Variants in DSCAM observed in about 807,000 individuals in gnomAD.
DSCAM encodes the protein DS cell adhesion molecule.
A neutral mutation model predicts 217.7 loss-of-function variants in DSCAM; 47 were observed. The observed-to-expected ratio is 0.22, with a 90% CI of 0.17 to 0.28. The LOEUF is 0.28. Ranked by LOEUF, DSCAM falls within the 10% of genes least tolerant of loss-of-function variation. The probability of loss-of-function intolerance (pLI) is 1.00; values close to 1 mark genes in which losing one functional copy is unlikely to be tolerated. For missense variants in DSCAM, 2,080 were observed against 2,618.3 expected, an observed-to-expected ratio of 0.79 and a Z score of 4.49; for synonymous variants, 1,056 against 1,015.3, an observed-to-expected ratio of 1.04 and a Z score of -0.76.
At chr21:40,787,668 A>G (rs549139447) in intron 1 of DSCAM, among the ~76,000 whole-genome samples, 53 of 152,172 alleles carry the variant, frequency 3.5e-4, no homozygotes, top group Non-Finnish European at 5.6e-4. Flanking sequence ...CACTTTTACA[A>G]TCATGAAGTC....
At chr21:40,780,691 G>A (rs1432671934) in intron 1 of DSCAM, among the ~76,000 whole-genome samples, 6 of 151,890 alleles carry the variant, frequency 4.0e-5, no homozygotes, top group Non-Finnish European at 8.8e-5. Flanking sequence ...GAAGAGATGA[G>A]GATGCAGGAA....
intron 11 of DSCAM, among the ~76,000 whole-genome samples, chr21:40,225,316 T>C (rs1012062568): frequency 5.9e-5 from 9 of 152,194 alleles, no homozygotes; most frequent in South Asian, 4.1e-4. Context: ...CCTTGCCCTT[T>C]GGACCAAGCC....
chr21:40,552,518 C>G (rs1045299702), intron 3 of DSCAM, among the ~76,000 whole-genome samples: 2 of 152,168 alleles, frequency 1.3e-5, no homozygotes, highest in African/African-American at 4.8e-5. Flanking sequence ...TGGGAAACAT[C>G]TAGAATGTGC....
chr21:40,846,608 G>A lies in DSCAM; in HGVS notation c.43+11C>T. The A allele has an allele frequency of 1.5e-6, 2 of 1,293,992 alleles. No homozygotes were observed. Among genetic ancestry groups the A allele is most frequent in the South Asian group, 1.8e-5 (1 of 54,818 alleles). 80.2% of individuals were successfully genotyped at this position (1,293,992 alleles called of 1,614,324 possible). On this transcript the variant is annotated intron_variant, in intron 1 of 32. Coordinates refer to ENST00000400454, the MANE Select transcript of DSCAM (RefSeq NM_001389.5). ...AAGGAAACGAAATTCATCACAAACC[G>A]AAAGGCTCACCATTCGCGAAGCTCT...
At chr21:40,267,896 C>CAAAA (rs112636145) in intron 11 of DSCAM, among the ~76,000 whole-genome samples, 1 of 151,144 alleles carries the variant, frequency 6.6e-6, no homozygotes, top group African/African-American at 2.4e-5. Context: ...AACTCCACCT[C>CAAAA]AAAAAAAGAA....
chr21:40,692,305 C>T (rs936319536), intron 3 of DSCAM, among the ~76,000 whole-genome samples: 4 of 152,160 alleles, frequency 2.6e-5, no homozygotes, highest in African/African-American at 4.8e-5. Flanking sequence ...AGAAATTATT[C>T]ATATGCAAAT....
Position 40,016,846 on chromosome 21 carries a change from A to C in DSCAM, c.5687-3460T>G, listed in dbSNP as rs1276866607. ...GGAAAGGACTATTCAAGAGTATAAG[A>C]GAACTGGCCTGTAATCCCCGCCCAC... On this transcript the variant is annotated intron_variant, in intron 32 of 32. Transcript: ENST00000400454. This position sits in a 1 kb window ranked among gnomAD's most constrained non-coding sequence, Gnocchi z 4.3. Among the ~76,000 whole-genome samples the C allele has an allele frequency of 6.6e-6, 1 of 152,186 alleles. No homozygotes were observed. The highest frequency in any genetic ancestry group is 1.5e-5 in the Non-Finnish European group (1 of 68,038).
chr21:40,610,992 T>C lies in DSCAM; in HGVS notation c.508+81818A>G, dbSNP rs188251295. Reference sequence around the variant, plus strand: ...ATGAGACATAAATGTGAACTGCATATGTGGTTTCAGATTTTCAAAAAGTCA... The same window carrying C: ...ATGAGACATAAATGTGAACTGCATACGTGGTTTCAGATTTTCAAAAAGTCA... On this transcript the variant is annotated intron_variant, in intron 3 of 32. Coordinates refer to ENST00000400454, the MANE Select transcript of DSCAM (RefSeq NM_001389.5). Among the ~76,000 whole-genome samples, 512 of 152,186 alleles carry C rather than the reference T, an allele frequency of 3.4e-3. 2 individuals carry two copies. Among genetic ancestry groups the C allele is most frequent in the Non-Finnish European group, 5.4e-3 (365 of 68,020 alleles).
At chr21:40,707,191 T>C (rs1411746013) in intron 2 of DSCAM, among the ~76,000 whole-genome samples, 1 of 152,230 alleles carries the variant, frequency 6.6e-6, no homozygotes, top group African/African-American at 2.4e-5. Flanking sequence ...TCCCTATAAG[T>C]GGTGTTTTGC....
At chr21:40,535,188 G>T (rs1240283599) in intron 3 of DSCAM, among the ~76,000 whole-genome samples, 1 of 152,140 alleles carries the variant, frequency 6.6e-6, no homozygotes, top group Non-Finnish European at 1.5e-5. Context: ...GTGTAGGGGA[G>T]AATTAAATAA....
chr21:40,437,062 C>T (rs1210085053), intron 3 of DSCAM, among the ~76,000 whole-genome samples: 1 of 152,252 alleles, frequency 6.6e-6, no homozygotes, highest in Non-Finnish European at 1.5e-5. Flanking sequence ...TGGCTGAAAA[C>T]ACAGGAAGTA....
In DSCAM at chr21:40,691,378, T is replaced by C. The variant is rs189032387; in HGVS notation, c.508+1432A>G. Among the ~76,000 whole-genome samples the C allele has an allele frequency of 5.4e-4, 82 of 152,310 alleles. No homozygotes were observed. In the East Asian group the frequency reaches 0.01, roughly 19 times the overall value. ...ATCCTAGGTCACCGAGTCCGGAAGA[T>C]TGAAAAGGTAGCTCCCAATTCTTCC... On this transcript the variant is annotated intron_variant, in intron 3 of 32. Coordinates refer to ENST00000400454, the MANE Select transcript of DSCAM (RefSeq NM_001389.5).
intron 3 of DSCAM, among the ~76,000 whole-genome samples, chr21:40,394,510 C>T (rs1035041972): frequency 6.6e-6 from 1 of 152,320 alleles, no homozygotes; most frequent in East Asian, 1.9e-4. Context: ...CATCTGACTG[C>T]GTTTTAACCG....
At chr21:40,620,370 GAAAGAAAGAAAGAAAGAGAAAGAA>G (rs1376319460) in intron 3 of DSCAM, among the ~76,000 whole-genome samples, 10 of 91,826 alleles carry the variant, frequency 1.1e-4, no homozygotes, top group Non-Finnish European at 2.1e-4. Context: ...AAAAGAAAAA[GAAAGAAAGAAAGAAAGAGAAAGAA>G]AGAAAGAAAG....
intron 2 of DSCAM, among the ~76,000 whole-genome samples, chr21:40,697,536 T>G (rs2090608782): frequency 6.6e-6 from 1 of 152,228 alleles, no homozygotes; most frequent in African/African-American, 2.4e-5. Context: ...GGATCTAGTT[T>G]CATTCTTTTG....
chr21:40,111,650 T>G (rs2089900504), intron 20 of DSCAM, among the ~76,000 whole-genome samples: 1 of 152,168 alleles, frequency 6.6e-6, no homozygotes, highest in African/African-American at 2.4e-5. Flanking sequence ...GACCCATCAG[T>G]GTGCTGTATT....
intron 11 of DSCAM, among the ~76,000 whole-genome samples, chr21:40,199,221 A>G (rs1295265485): frequency 6.6e-6 from 1 of 152,192 alleles, no homozygotes; most frequent in African/African-American, 2.4e-5. Context: ...ATTATCTTTC[A>G]TTAAACCTGT....
rs536176184 is a variant in DSCAM at position 40,663,878 on chromosome 21, G to T, written c.508+28932C>A. On this transcript the variant is annotated intron_variant, in intron 3 of 32. Coordinates refer to ENST00000400454, the MANE Select transcript of DSCAM (RefSeq NM_001389.5). ...CTGTGAGCCAATAAGACTTTTTTTT[G>T]ATTTCTGTTTGTCACTTGCAATCAA... 5.1e-4 allele frequency among the ~76,000 whole-genome samples: 77 copies of T among 152,082 alleles called. 1 individual carries two copies. In the South Asian group the frequency reaches 0.015, roughly 30 times the overall value.
intron 1 of DSCAM, among the ~76,000 whole-genome samples, chr21:40,790,643 T>A (rs1386444874): frequency 6.6e-6 from 1 of 152,116 alleles, no homozygotes. Context: ...GTTATGAGGG[T>A]GTGTGTGCAC....
Sources: gnomAD v4.1 joint callset for allele counts (sites outside exome capture counted in the v4.1 genomes callset) on GRCh38, gnomAD v4.1.1 for gene constraint, Gnocchi (gnomAD v3.1) non-coding constraint, MANE v1.5 for transcripts, NCBI Gene and HGNC (gene_info 2026-07-23, HGNC 2026-07-21) for gene names.